Variants in CHAT observed in about 807,000 individuals in gnomAD.
CHAT encodes acetyl CoA:choline O-acetyltransferase.
In CHAT, 61 loss-of-function variants were observed where a neutral mutation model predicts 76.9. That is an observed-to-expected ratio of 0.79 (90% CI 0.65 to 0.98). The LOEUF (loss-of-function observed/expected upper bound fraction) is 0.98. Ranked by LOEUF, CHAT falls within the 50% of genes least tolerant of loss-of-function variation. CHAT has a pLI of 0.00. For synonymous variants in CHAT, 407 were observed against 397.4 expected, an observed-to-expected ratio of 1.02 and a Z score of -0.29; for missense variants, 946 against 986.9, an observed-to-expected ratio of 0.96 and a Z score of 0.56.
chr10:49,648,883 G>A (rs535468743), intron 9 of CHAT, among the ~76,000 whole-genome samples: 1 of 152,274 alleles, frequency 6.6e-6, no homozygotes, highest in East Asian at 1.9e-4. Flanking sequence ...TCTGCCTTGA[G>A]AGAGGGGAAG....
At chr10:49,611,287 A>G (rs1294825522), upstream of CHAT, 7 of 1,609,722 alleles carry the variant, frequency 4.3e-6, no homozygotes, top group Non-Finnish European at 5.9e-6. Flanking sequence ...CGCGGCGCGC[A>G]GCCTGCAGGG....
intron 11 of CHAT, among the ~76,000 whole-genome samples, chr10:49,652,503 A>G (rs535956606): frequency 6.6e-6 from 1 of 152,168 alleles, no homozygotes; most frequent in South Asian, 2.1e-4. Flanking sequence ...GTTCTCCTCC[A>G]AATGTCTCTC....
At chr10:49,621,716 C>T (rs1038930306) in intron 4 of CHAT, among the ~76,000 whole-genome samples, 6 of 152,134 alleles carry the variant, frequency 3.9e-5, no homozygotes, top group East Asian at 3.9e-4. Context: ...TCCTAGCTTC[C>T]GTCTCCCTCT....
chr10:49,611,226 G>A (rs890517376), upstream of CHAT: 2 of 1,613,938 alleles, frequency 1.2e-6, no homozygotes, highest in Middle Eastern at 3.3e-4. Context: ...TGGGCGTCAT[G>A]TTCGCCTCTA....
upstream of CHAT, among the ~76,000 whole-genome samples, chr10:49,610,042 G>GGGGGCAGGCAGGGGGCGT (rs1263013274): frequency 5.9e-5 from 9 of 151,512 alleles, no homozygotes; most frequent in Non-Finnish European, 1.5e-5. Flanking sequence ...GCAGGGGGCG[G>GGGGGCAGGCAGGGGGCGT]GGGGCAGAGG....
chr10:49,664,794 G>A lies in CHAT; in HGVS notation c.1995G>A (p.Glu665=), dbSNP rs752896534. The A allele has an allele frequency of 1.2e-6, 2 of 1,614,238 alleles. No individual in the cohort carries two copies. The highest frequency in any genetic ancestry group is 2.2e-5 in the East Asian group (1 of 44,882). The change falls in exon 15 of 15, where the codon GAG becomes GAA. Residue 665 remains glutamate (E), a synonymous_variant. Coordinates refer to ENST00000337653, the MANE Select transcript of CHAT (RefSeq NM_020549.5). ...TCCTCCAGGTGCCCACAACCACGGA[G>A]ATGTTCTGCTGCTATGGTCCTGTGG... ...LSTSQVPTTT[E]MFCCYGPVVP...
Position 49,648,591 on chromosome 10 carries a change from C to A in CHAT, c.1366C>A (p.His456Asn). 1 of 1,612,478 alleles carries A rather than the reference C, an allele frequency of 6.2e-7. No individual in the cohort carries two copies. The highest frequency in any genetic ancestry group is 8.5e-7 in the Non-Finnish European group (1 of 1,178,728). ...CATCGTCCTGGTGCAGTGCACTGAG[C>A]ATCTGCTCAAGCACGTGTGAGTCTG... ...DGIVLVQCTE[H>N]LLKHVTQSSR... Residue 456 changes from histidine (H) to asparagine (N), a missense_variant, in exon 9 of 15, where the codon CAT becomes AAT. His to Asn is a moderately conservative substitution (Grantham distance 68, BLOSUM62 1). Coordinates refer to ENST00000337653, the MANE Select transcript of CHAT (RefSeq NM_020549.5).
chr10:49,640,660 C>T lies in CHAT; in HGVS notation c.1112-5845C>T, dbSNP rs1564484190. ...AGAAGCTGAGATGCCTCATTACTGACTGGTGATGGTAGACATCTGGGCTCT... is the reference window on the plus strand; with the variant it reads ...AGAAGCTGAGATGCCTCATTACTGATTGGTGATGGTAGACATCTGGGCTCT... On this transcript the variant is annotated intron_variant, in intron 7 of 14. Transcript: ENST00000337653. Among the ~76,000 whole-genome samples, 3 of 152,106 alleles carry T rather than the reference C, an allele frequency of 2.0e-5. No individual in the cohort carries two copies. The South Asian group carries it at 6.2e-4, about 32-fold the overall frequency.
upstream of CHAT, chr10:49,610,518 C>G (rs1838260842): frequency 2.2e-6 from 1 of 450,796 alleles, no homozygotes. Context: ...GCCCAGCAGC[C>G]GCGGGTCCCG....
intron 13 of CHAT, 145 bp from the exon 14 acceptor site, chr10:49,662,500 C>T (rs1840223089): frequency 9.6e-7 from 1 of 1,045,632 alleles, no homozygotes; most frequent in Non-Finnish European, 1.5e-6. Flanking sequence ...AGCAGCCACT[C>T]ATACACATTG....
rs1840326887 is a variant in CHAT at position 49,665,682 on chromosome 10, G to GA, written c.*636_*637insA. 6.6e-6 allele frequency among the ~76,000 whole-genome samples: 1 copy of GA among 152,122 alleles called. No homozygotes were observed. The highest frequency in any genetic ancestry group is 2.1e-4 in the South Asian group (1 of 4,828). On this transcript the variant is annotated 3_prime_UTR_variant, in exon 15 of 15. Transcript: ENST00000337653. ...AAACACATTTCTGCTTTCGTGCCCA[G>GA]GGGCAGCCTTCTGTTGAGCTCAGAA...
chr10:49,611,924 C>T (rs780425174), upstream of CHAT: 4 of 1,612,348 alleles, frequency 2.5e-6, no homozygotes, highest in Non-Finnish European at 3.4e-6. Flanking sequence ...TTTGGCATAG[C>T]CCTAGTCGAC....
upstream of CHAT, chr10:49,610,372 C>A (rs890692719): frequency 4.5e-6 from 1 of 223,070 alleles, no homozygotes; most frequent in Non-Finnish European, 8.8e-6. Flanking sequence ...AGCGGGCGGG[C>A]GGCAACAGCA....
intron 8 of CHAT, 141 bp downstream of exon 8, chr10:49,646,815 G>A: frequency 6.2e-6 from 6 of 962,416 alleles, no homozygotes; most frequent in Non-Finnish European, 9.6e-6. Flanking sequence ...CTGCCTAAGA[G>A]GCTGGGTCTG....
At chr10:49,610,694 G>T (rs113595173), upstream of CHAT, 178 of 1,448,844 alleles carry the variant, frequency 1.2e-4, 1 homozygote, top group African/African-American at 2.3e-3. Context: ...GGACGCCAGC[G>T]CTCGGCCCTG....
chr10:49,628,892 A>C (rs896793340), intron 7 of CHAT, among the ~76,000 whole-genome samples: 9 of 152,364 alleles, frequency 5.9e-5, no homozygotes, highest in Middle Eastern at 3.4e-3. Flanking sequence ...AGGTGGCCTG[A>C]GCCGGATGTA....
chr10:49,642,063 A>G lies in CHAT; in HGVS notation c.1112-4442A>G, dbSNP rs1012840686. ...AAAGCTGTCAGCTCCCTCCTTGGGC[A>G]TGGGTGTCAGAGCAGGCTCCTCCTA... is the stretch of plus-strand genomic sequence containing the variant. On this transcript the variant is annotated intron_variant, in intron 7 of 14. Transcript: ENST00000337653. Among the ~76,000 whole-genome samples the G allele has an allele frequency of 6.6e-5, 10 of 152,064 alleles. 1 individual carries two copies. The highest frequency in any genetic ancestry group is 6.5e-4 in the Admixed American group (10 of 15,280).
rs527645887 is a variant in CHAT at position 49,637,023 on chromosome 10, T to C, written c.1111+9238T>C. Reference sequence around the variant, plus strand: ...CTGTTTCATTCCTGATATTGGTGGTTGTGTCTTTCTCCCTCTCTTTTTTTT... The same window carrying C: ...CTGTTTCATTCCTGATATTGGTGGTCGTGTCTTTCTCCCTCTCTTTTTTTT... On this transcript the variant is annotated intron_variant, in intron 7 of 14. Transcript: ENST00000337653. Among the ~76,000 whole-genome samples, 5 of 151,784 alleles carry C rather than the reference T, an allele frequency of 3.3e-5. No individual in the cohort carries two copies. In the South Asian group the frequency reaches 8.3e-4, roughly 25 times the overall value.
intron 7 of CHAT, among the ~76,000 whole-genome samples, chr10:49,630,271 A>C (rs1839071099): frequency 6.6e-6 from 1 of 152,226 alleles, no homozygotes; most frequent in Non-Finnish European, 1.5e-5. Context: ...CAGGTAGAGA[A>C]GGATGCAAAG....
Sources: allele counts gnomAD v4.1 joint callset (sites outside exome capture counted in the v4.1 genomes callset), GRCh38; gene constraint gnomAD v4.1.1; transcripts MANE v1.5; gene names NCBI Gene and HGNC (gene_info 2026-07-23, HGNC 2026-07-21).